The following CACNA1A variants were observed in gnomAD, a reference collection of about 807,000 sequenced individuals.
CACNA1A encodes calcium voltage-gated channel subunit alpha1 A.
Under a neutral mutation model 262.4 loss-of-function variants are expected in CACNA1A, and 57 were observed. The observed-to-expected ratio is 0.22, with a 90% confidence interval of 0.18 to 0.27. The LOEUF (loss-of-function observed/expected upper bound fraction) is 0.27. Ranked by LOEUF, CACNA1A falls within the 10% of genes least tolerant of loss-of-function variation. The probability of loss-of-function intolerance (pLI) is 1.00; values close to 1 mark genes in which losing one functional copy is unlikely to be tolerated. For missense variants in CACNA1A, 2,526 were observed against 3,562.8 expected (o/e 0.71, Z 7.41); for synonymous variants, 1,431 against 1,419.3 (o/e 1.01, Z -0.18).
intron 3 of CACNA1A, among the ~76,000 whole-genome samples, chr19:13,405,875 A>ACTTG (rs1323692308): frequency 3.3e-5 from 5 of 152,168 alleles, no homozygotes; most frequent in African/African-American, 1.2e-4. Context: ...TTATAGAGGG[A>ACTTG]CTTGCTGACT....
intron 1 of CACNA1A, among the ~76,000 whole-genome samples, chr19:13,469,313 C>T (rs979593382): frequency 1.3e-5 from 2 of 152,160 alleles, no homozygotes; most frequent in African/African-American, 4.8e-5. Flanking sequence ...CCATGCTGGT[C>T]CCCTGCTTCC....
At position 13,241,562 on chromosome 19, in the gene CACNA1A, G is replaced by T; in HGVS notation, c.4950+3620C>A. 5.0e-6 allele frequency: 6 copies of T among 1,201,722 alleles called. No individual in the cohort carries two copies. The highest frequency in any genetic ancestry group is 1.3e-5 in the South Asian group (1 of 77,568). The allele number at this position is 1,201,722 out of a possible 1,614,324, so 74.4% of individuals were successfully genotyped here. A position where few individuals can be genotyped will look rare whatever the true frequency, so the allele number is the denominator to read the frequency against. ...ATGTTGAAGATGAGGGGGAGCGGGC[G>T]GGCGGGGGCAGTTGGGGAGGCGTGT... On this transcript the variant is annotated intron_variant, in intron 31 of 46. Coordinates refer to ENST00000360228, the MANE Select transcript of CACNA1A (RefSeq NM_001127222.2). The surrounding 1 kb of genome is among the most constrained non-coding windows in gnomAD (Gnocchi z 4.0).
intron 24 of CACNA1A, chr19:13,263,044 G>C: frequency 1.8e-6 from 1 of 563,056 alleles, no homozygotes; most frequent in Non-Finnish European, 3.2e-6. Flanking sequence ...GCTTTTTGTG[G>C]TTCTGGTCCC....
Position 13,298,741 on chromosome 19 carries a change from G to A in CACNA1A, c.2892C>T (p.Pro964=), listed in dbSNP as rs771351347. 18 of 1,503,414 alleles carry A rather than the reference G, an allele frequency of 1.2e-5. No homozygotes were observed. In the African/African-American group the frequency reaches 1.5e-4, roughly 12 times the overall value. The allele number at this position is 1,503,414 out of a possible 1,614,324, so 93.1% of individuals were successfully genotyped here. The change falls in exon 19 of 47, where the codon CCC becomes CCT. Residue 964 remains proline (P), a synonymous_variant. Transcript: ENST00000360228. ...CCTTGTCCTCCGGACCCTCCTCCCC[G>A]GGCCTGCGGTGCGCGCGATGACGTC... is the stretch of plus-strand genomic sequence containing the variant. ...EHRRHRAHRR[P]GEEGPEDKAE...
At chr19:13,473,572 C>T (rs1375928394) in intron 1 of CACNA1A, among the ~76,000 whole-genome samples, 1 of 152,220 alleles carries the variant, frequency 6.6e-6, no homozygotes, top group Non-Finnish European at 1.5e-5. Context: ...CAGGACCCTG[C>T]TGGTTTTCTC....
At chr19:13,380,934 C>G (rs2144606244) in intron 3 of CACNA1A, among the ~76,000 whole-genome samples, 1 of 151,992 alleles carries the variant, frequency 6.6e-6, no homozygotes, top group Middle Eastern at 3.4e-3. Context: ...CCACCAAGCC[C>G]AGCTAATTTT....
Position 13,414,401 on chromosome 19 carries a change from A to G in CACNA1A, c.539+38475T>C, listed in dbSNP as rs1198764366. ...GGCAATAGAGCGAGGCTCTGTCTCA[A>G]AAAAAAAGCAGGCAGATAGCAGCGA... On this transcript the variant is annotated intron_variant, in intron 3 of 46. Coordinates refer to ENST00000360228, the MANE Select transcript of CACNA1A (RefSeq NM_001127222.2). Among the ~76,000 whole-genome samples the G allele has an allele frequency of 5.3e-5, 8 of 151,940 alleles. No individual in the cohort carries two copies. In the South Asian group the frequency reaches 8.3e-4, roughly 16 times the overall value.
At chr19:13,427,294 AAAATT>A (rs1223530816) in intron 3 of CACNA1A, among the ~76,000 whole-genome samples, 1 of 151,992 alleles carries the variant, frequency 6.6e-6, no homozygotes, top group African/African-American at 2.4e-5. Flanking sequence ...TCTACTAAAA[AAAATT>A]AAATTAGCCA....
At chr19:13,335,042 C>T (rs1350845875) in intron 7 of CACNA1A, among the ~76,000 whole-genome samples, 1 of 143,864 alleles carries the variant, frequency 7.0e-6, no homozygotes, top group Non-Finnish European at 1.5e-5. Flanking sequence ...CAAAAAAAAA[C>T]AATAAAAAAG....
At chr19:13,231,195 A>T (rs1481849986) in intron 35 of CACNA1A, among the ~76,000 whole-genome samples, 5 of 123,988 alleles carry the variant, frequency 4.0e-5, no homozygotes, top group African/African-American at 6.0e-5. Context: ...TTTTTTTTTT[A>T]AAGAGATGGG....
chr19:13,436,017 A>AT (rs1291854692), intron 3 of CACNA1A, among the ~76,000 whole-genome samples: 2 of 151,940 alleles, frequency 1.3e-5, no homozygotes, highest in Non-Finnish European at 2.9e-5. Flanking sequence ...TAGAGATGGG[A>AT]TTTCATGATG....
chr19:13,465,100 T>C (rs1179866629), intron 1 of CACNA1A, among the ~76,000 whole-genome samples: 5 of 151,918 alleles, frequency 3.3e-5, no homozygotes, highest in Non-Finnish European at 5.9e-5. Context: ...GGCTAATTTT[T>C]TGTATTTTTT....
At chr19:13,409,716 G>T (rs1215182161) in intron 3 of CACNA1A, among the ~76,000 whole-genome samples, 2 of 151,994 alleles carry the variant, frequency 1.3e-5, no homozygotes, top group Non-Finnish European at 2.9e-5. Flanking sequence ...GCTAGTTTTT[G>T]TATTTTGTGT....
chr19:13,240,034 C>T (rs2056018603), intron 31 of CACNA1A, among the ~76,000 whole-genome samples: 2 of 151,802 alleles, frequency 1.3e-5, no homozygotes, highest in African/African-American at 4.8e-5. Context: ...GCTTGTAATC[C>T]CAGGTACTCA....
chr19:13,224,324 CAA>C (rs71168690), intron 38 of CACNA1A, among the ~76,000 whole-genome samples: 2 of 143,018 alleles, frequency 1.4e-5, no homozygotes, highest in Non-Finnish European at 3.0e-5. Context: ...ATTGTCACAC[CAA>C]AAAAAAAAAA....
chr19:13,217,599 C>G (rs1182888624), intron 38 of CACNA1A, among the ~76,000 whole-genome samples: 1 of 152,100 alleles, frequency 6.6e-6, no homozygotes, highest in Non-Finnish European at 1.5e-5. Flanking sequence ...TGGAGGGGCT[C>G]CTGGCTGAGA....
In CACNA1A at chr19:13,402,899, T is replaced by C. The variant is rs77739759; in HGVS notation, c.540-31120A>G. ...ATATATATATATATATATATATATA[T>C]ATATATATATATATATACTTGCAAG... On this transcript the variant is annotated intron_variant, in intron 3 of 46. Transcript: ENST00000360228. 2.8e-3 allele frequency among the ~76,000 whole-genome samples: 349 copies of C among 125,192 alleles called. 4 individuals carry two copies. The highest frequency in any genetic ancestry group is 8.6e-3 in the East Asian group (30 of 3,490). 82.1% of individuals were successfully genotyped at this position (125,192 alleles called of 152,430 possible).
chr19:13,389,671 T>A (rs1457434514), intron 3 of CACNA1A, among the ~76,000 whole-genome samples: 1 of 152,206 alleles, frequency 6.6e-6, no homozygotes, highest in Admixed American at 6.5e-5. Flanking sequence ...ATAGGCTGAT[T>A]AGCTTTTCAG....
chr19:13,388,725 C>A (rs2059662316), intron 3 of CACNA1A, among the ~76,000 whole-genome samples: 2 of 152,134 alleles, frequency 1.3e-5, no homozygotes, highest in Non-Finnish European at 2.9e-5. Context: ...ACCCTACTTT[C>A]ATTCTTCTCC....
Sources: gnomAD v4.1 joint callset for allele counts (sites outside exome capture counted in the v4.1 genomes callset) on GRCh38, gnomAD v4.1.1 for gene constraint, Gnocchi (gnomAD v3.1) non-coding constraint, MANE v1.5 for transcripts, NCBI Gene and HGNC (gene_info 2026-07-23, HGNC 2026-07-21) for gene names.